The following TBC1D12 variants were observed in gnomAD, a reference collection of about 807,000 sequenced individuals.
The protein encoded by TBC1D12 is TBC1 domain family, member 12.
Under a neutral mutation model 86.7 loss-of-function variants are expected in TBC1D12, and 56 were observed. The observed-to-expected ratio is 0.65, with a 90% CI of 0.52 to 0.81. The LOEUF is 0.81. Ranked by LOEUF, TBC1D12 falls within the 30% of genes least tolerant of loss-of-function variation. The pLI, the probability that TBC1D12 is intolerant of heterozygous loss-of-function variation, is 0.00. For missense variants in TBC1D12, 1,023 were observed against 1,038.8 expected (o/e 0.98, Z 0.21); for synonymous variants, 421 against 411.7 (o/e 1.02, Z -0.27).
chr10:94,425,926 GTTA>G (rs1270536787), intron 1 of TBC1D12, among the ~76,000 whole-genome samples: 4 of 151,838 alleles, frequency 2.6e-5, no homozygotes, highest in Non-Finnish European at 5.9e-5. Context: ...AGTTTTTTGT[GTTA>G]TTATAAATGA....
chr10:94,440,434 C>G (rs2055363864), intron 1 of TBC1D12, among the ~76,000 whole-genome samples: 1 of 152,146 alleles, frequency 6.6e-6, no homozygotes, highest in African/African-American at 2.4e-5. Flanking sequence ...GCTTTGGCCT[C>G]CCAGTGTTGG....
chr10:94,531,112 A>T, intron 11 of TBC1D12, 90 bp from the exon 12 acceptor site: 2 of 1,432,362 alleles, frequency 1.4e-6, no homozygotes, highest in Non-Finnish European at 1.9e-6. Flanking sequence ...ATCCCTAATT[A>T]AACACTGTTC....
At chr10:94,425,706 G>A (rs2055136917) in intron 1 of TBC1D12, among the ~76,000 whole-genome samples, 1 of 151,964 alleles carries the variant, frequency 6.6e-6, no homozygotes, top group Non-Finnish European at 1.5e-5. Context: ...TTTCCATATT[G>A]ATTTTAGAAT....
At chr10:94,491,388 G>C (rs1191367756) in intron 3 of TBC1D12, among the ~76,000 whole-genome samples, 4 of 152,146 alleles carry the variant, frequency 2.6e-5, no homozygotes, top group African/African-American at 9.7e-5. Context: ...CCTAAAACTG[G>C]ACACTATTAT....
intron 10 of TBC1D12, 97 bp downstream of exon 10, chr10:94,522,180 TA>T (rs1325248003): frequency 4.8e-5 from 68 of 1,414,656 alleles, no homozygotes; most frequent in Non-Finnish European, 6.1e-5. Context: ...TAATCTAATA[TA>T]AACTTATCAT....
chr10:94,471,870 T>C (rs2055912542), intron 2 of TBC1D12, among the ~76,000 whole-genome samples: 3 of 152,256 alleles, frequency 2.0e-5, no homozygotes, highest in Non-Finnish European at 4.4e-5. Flanking sequence ...TGGTTATTAC[T>C]AACTTTGGCC....
intron 9 of TBC1D12, among the ~76,000 whole-genome samples, chr10:94,513,957 A>G (rs1357942644): frequency 6.6e-6 from 1 of 151,350 alleles, no homozygotes; most frequent in Admixed American, 6.6e-5. Flanking sequence ...AATGAGAGTA[A>G]TTTGAGATTT....
At chr10:94,447,921 A>G (rs1185284537) in intron 2 of TBC1D12, among the ~76,000 whole-genome samples, 1 of 150,690 alleles carries the variant, frequency 6.6e-6, no homozygotes, top group Non-Finnish European at 1.5e-5. Context: ...TCAAACTGAT[A>G]ATCTCTCAGT....
chr10:94,409,257 G>A (rs2054897641), intron 1 of TBC1D12, among the ~76,000 whole-genome samples: 1 of 152,078 alleles, frequency 6.6e-6, no homozygotes, highest in Non-Finnish European at 1.5e-5. Context: ...TGGCAGATTA[G>A]AGATGTGATA....
At chr10:94,496,327 T>G (rs572868250) in intron 4 of TBC1D12, among the ~76,000 whole-genome samples, 4 of 152,286 alleles carry the variant, frequency 2.6e-5, no homozygotes, top group African/African-American at 7.2e-5. Context: ...TTCAGAGAGA[T>G]ATTTTCTTCC....
At chr10:94,455,295 T>C (rs78587896) in intron 2 of TBC1D12, among the ~76,000 whole-genome samples, 3,334 of 152,310 alleles carry the variant, frequency 0.022, 123 homozygotes, top group African/African-American at 0.074. Flanking sequence ...TTGCTAATAT[T>C]TTCTTGAGGA....
intron 1 of TBC1D12, among the ~76,000 whole-genome samples, chr10:94,418,654 C>T (rs1278980277): frequency 6.6e-6 from 1 of 151,370 alleles, no homozygotes. Flanking sequence ...TCACTGCAAC[C>T]TCTGCCTCCC....
chr10:94,476,383 A>G (rs11187972), intron 3 of TBC1D12, among the ~76,000 whole-genome samples: 61,498 of 151,964 alleles, frequency 0.4, 12,927 homozygotes, highest in East Asian at 0.73. Context: ...GAATATGTTT[A>G]TAATTGTCTT....
rs763209744 is a variant in TBC1D12 at position 94,500,253 on chromosome 10, G to A, written c.1445G>A (p.Trp482Ter). ...ACAAGAAGAGTTCGAGAATTGTGGT[G>A]GCAGGGATTGCCCCCTAGTGTCCGT... The part of the protein sequence containing the change: ...RSTRRVRELW[W>*]QGLPPSVRGK... Residue 482 changes from tryptophan (W) to a stop codon, truncating the protein, a stop_gained, in exon 6 of 13, where the codon TGG becomes TAG. Transcript: ENST00000225235. LOFTEE classifies it high-confidence loss of function. 2 of 1,613,980 alleles carry A rather than the reference G, an allele frequency of 1.2e-6. No individual in the cohort carries two copies. The highest frequency in any genetic ancestry group is 1.7e-6 in the Non-Finnish European group (2 of 1,179,938).
chr10:94,410,233 C>G (rs1315510879), intron 1 of TBC1D12, among the ~76,000 whole-genome samples: 1 of 152,096 alleles, frequency 6.6e-6, no homozygotes, highest in Admixed American at 6.5e-5. Context: ...CATGGTAACT[C>G]ATTGTTTAAC....
At chr10:94,516,591 C>T (rs548778413) in intron 9 of TBC1D12, among the ~76,000 whole-genome samples, 84 of 137,594 alleles carry the variant, frequency 6.1e-4, no homozygotes, top group Middle Eastern at 4.0e-3. Context: ...TGACAGGCCC[C>T]CGTGTGTGAT....
chr10:94,529,567 G>C (rs1237536145), intron 11 of TBC1D12, among the ~76,000 whole-genome samples: 1 of 152,126 alleles, frequency 6.6e-6, no homozygotes, highest in African/African-American at 2.4e-5. Context: ...GCGGTGAGGT[G>C]AGATTTTGCC....
intron 2 of TBC1D12, among the ~76,000 whole-genome samples, chr10:94,467,550 C>G (rs901905002): frequency 9.9e-5 from 15 of 152,208 alleles, no homozygotes; most frequent in Non-Finnish European, 2.2e-4. Context: ...TTCCTTTTGT[C>G]ACGCAGAATG....
intron 1 of TBC1D12, among the ~76,000 whole-genome samples, chr10:94,430,116 C>G (rs767727874): frequency 6.6e-6 from 1 of 152,146 alleles, no homozygotes; most frequent in African/African-American, 2.4e-5. Flanking sequence ...GCCTCGAACT[C>G]CAGGGCTCAA....
Sources: gnomAD v4.1 joint callset for allele counts (sites outside exome capture counted in the v4.1 genomes callset) on GRCh38, gnomAD v4.1.1 for gene constraint, MANE v1.5 for transcripts, NCBI Gene and HGNC (gene_info 2026-07-23, HGNC 2026-07-21) for gene names.